GLOD4: variants seen among roughly 807,000 people sequenced by gnomAD.
The protein encoded by GLOD4 is glyoxalase domain containing 4, also known as glyoxalase domain-containing protein 4.
Under a neutral mutation model 39.1 loss-of-function variants are expected in GLOD4, and 44 were observed. The ratio of observed to expected loss-of-function variants is 1.13; its 90% CI spans 0.88 to 1.45. GLOD4 has a LOEUF of 1.45. Among genes scored for constraint, GLOD4 ranks in the 40% most tolerant of loss-of-function variants. The pLI is 0.00. For synonymous variants in GLOD4, 145 were observed against 135.0 expected (o/e 1.07, Z -0.52); for missense variants, 405 against 366.4 (o/e 1.11, Z -0.86).
intron 8 of GLOD4, among the ~76,000 whole-genome samples, chr17:769,315 G>C (rs1907461198): frequency 6.6e-6 from 1 of 150,750 alleles, no homozygotes; most frequent in Non-Finnish European, 1.5e-5. Flanking sequence ...TCCATGGCAA[G>C]AGCTGAGGGG....
At chr17:775,692 CA>C (rs560691640) in intron 4 of GLOD4, 82 bp downstream of exon 4, 112 of 1,164,500 alleles carry the variant, frequency 9.6e-5, no homozygotes, top group Middle Eastern at 2.6e-4. Context: ...ACAGACTCTA[CA>C]AAAAAAAGAC....
chr17:775,765 G>A lies in GLOD4; in HGVS notation c.406+10C>T. 1 of 1,610,910 alleles carries A rather than the reference G, an allele frequency of 6.2e-7. No individual in the cohort carries two copies. The highest frequency in any genetic ancestry group is 8.5e-7 in the Non-Finnish European group (1 of 1,177,202). On this transcript the variant is annotated intron_variant, in intron 4 of 8. Coordinates refer to ENST00000301329, the MANE Select transcript of GLOD4 (RefSeq NM_016080.4). ...TAGACAGAGGCTTTTACTGGTTCTGGTATAATTACCTGACTGAGGCAGACT... is the reference window on the plus strand; with the variant it reads ...TAGACAGAGGCTTTTACTGGTTCTGATATAATTACCTGACTGAGGCAGACT...
intron 8 of GLOD4, among the ~76,000 whole-genome samples, chr17:768,396 GA>G (rs1172264006): frequency 6.8e-6 from 1 of 146,260 alleles, no homozygotes; most frequent in Non-Finnish European, 1.5e-5. Context: ...ACGTAAGAGA[GA>G]GAAACAGCGC....
At chr17:763,231 G>A (rs1282498754) in intron 8 of GLOD4, among the ~76,000 whole-genome samples, 5 of 151,054 alleles carry the variant, frequency 3.3e-5, no homozygotes, top group Admixed American at 2.6e-4. Context: ...CTTAAGGTTG[G>A]ATGCGGTGGC....
chr17:783,965 G>A (rs1463707878), upstream of GLOD4, among the ~76,000 whole-genome samples: 1 of 152,160 alleles, frequency 6.6e-6, no homozygotes, highest in African/African-American at 2.4e-5. Context: ...CTGCCAATGT[G>A]GTGATAACTG....
chr17:772,761 T>C (rs1348533249), intron 4 of GLOD4, among the ~76,000 whole-genome samples: 1 of 152,050 alleles, frequency 6.6e-6, no homozygotes, highest in African/African-American at 2.4e-5. Context: ...TTTGGGAGGC[T>C]GAGGTGGCAG....
At chr17:765,596 G>A (rs544329354) in intron 8 of GLOD4, among the ~76,000 whole-genome samples, 8 of 149,946 alleles carry the variant, frequency 5.3e-5, no homozygotes, top group African/African-American at 2.0e-4. Context: ...TTGGGAGGCC[G>A]AGGAGGGTGG....
At position 770,487 on chromosome 17, in the gene GLOD4, G is replaced by A. The variant is rs756022412; in HGVS notation, c.564C>T (p.Gly188=). 12 of 1,572,174 alleles carry A rather than the reference G, an allele frequency of 7.6e-6. No homozygotes were observed. The highest frequency in any genetic ancestry group is 1.1e-5 in the South Asian group (1 of 90,302). The change falls in exon 6 of 9, where the codon GGC becomes GGT. Residue 188 remains glycine (G), a synonymous_variant. Transcript: ENST00000301329. ...ADNQCKLELQ[G]VKGGVDHAAA... is the part of the protein sequence containing the mutation. ...CTGCATGGTCCACCCCACCCTTGAC[G>A]CCCTGTAGCTCCAGCTTACACTGAA...
At chr17:775,604 A>G (rs1232982815) in intron 4 of GLOD4, among the ~76,000 whole-genome samples, 171 bp downstream of exon 4, 1 of 152,212 alleles carries the variant, frequency 6.6e-6, no homozygotes, top group Non-Finnish European at 1.5e-5. Flanking sequence ...ACTGCTATGT[A>G]TTTAAGTTCT....
intron 8 of GLOD4, among the ~76,000 whole-genome samples, chr17:761,383 G>A (rs1260206913): frequency 6.6e-6 from 1 of 151,944 alleles, no homozygotes; most frequent in South Asian, 2.1e-4. Context: ...ATGAAAATAA[G>A]AATTTAAAAA....
chr17:778,469 C>A, intron 2 of GLOD4: 1 of 596,894 alleles, frequency 1.7e-6, no homozygotes, highest in South Asian at 2.1e-5. Flanking sequence ...TCCCGACGCT[C>A]CTGAAGTTGC....
At chr17:782,143 C>G (rs1910081752) in intron 1 of GLOD4, 23 bp downstream of exon 1, 13 of 1,554,100 alleles carry the variant, frequency 8.4e-6, no homozygotes, top group Non-Finnish European at 1.1e-5. Context: ...CGCGCGCCAG[C>G]CCCTGTCGGC....
chr17:768,951 G>C (rs1200960248), intron 8 of GLOD4, among the ~76,000 whole-genome samples: 2 of 152,256 alleles, frequency 1.3e-5, no homozygotes, highest in Non-Finnish European at 2.9e-5. Flanking sequence ...ATGTGAGAGA[G>C]AGAAACAGTG....
chr17:775,861 A>G lies in GLOD4; in HGVS notation c.320T>C (p.Leu107Pro). The change falls in exon 4 of 9, where the codon CTG becomes CCG. Residue 107 changes from leucine to proline, a missense_variant. Physicochemically the swap from Leu to Pro is moderately conservative, Grantham distance 98. Transcript: ENST00000301329. ...AAAAACACCTTCTGCAACTTCCGTCAGTGGCCACTCCAGCTTCCTGGCGTT... is the reference window on the plus strand; with the variant it reads ...AAAAACACCTTCTGCAACTTCCGTCGGTGGCCACTCCAGCTTCCTGGCGTT... ...VSNARKLEWP[L>P]TEVAEGVFET... The G allele has an allele frequency of 6.2e-7, 1 of 1,613,462 alleles. No individual in the cohort carries two copies. The highest frequency in any genetic ancestry group is 8.5e-7 in the Non-Finnish European group (1 of 1,179,358).
At chr17:768,036 G>T (rs1376012605) in intron 8 of GLOD4, among the ~76,000 whole-genome samples, 3 of 147,614 alleles carry the variant, frequency 2.0e-5, no homozygotes, top group Non-Finnish European at 4.5e-5. Flanking sequence ...TTTAGAAGAA[G>T]AAATCTGGAG....
At chr17:782,510 C>T (rs763801619), upstream of GLOD4, 10 of 1,613,434 alleles carry the variant, frequency 6.2e-6, no homozygotes, top group Admixed American at 1.3e-4. Context: ...TGTTTCCTTC[C>T]GGAGAGGTGG....
At chr17:774,008 C>T (rs1717422757) in intron 4 of GLOD4, among the ~76,000 whole-genome samples, 1 of 152,144 alleles carries the variant, frequency 6.6e-6, no homozygotes. Flanking sequence ...ATGGGGCTCT[C>T]TATTATTTTA....
chr17:784,973 G>T (rs993063574), upstream of GLOD4, among the ~76,000 whole-genome samples: 7 of 152,130 alleles, frequency 4.6e-5, no homozygotes, highest in African/African-American at 1.7e-4. Context: ...ATCTTTGATT[G>T]TATCATGTTT....
At chr17:782,336 G>A, upstream of GLOD4, 2 of 1,611,990 alleles carry the variant, frequency 1.2e-6, no homozygotes, top group African/African-American at 1.3e-5. Context: ...GTCACTAGCC[G>A]CCGACGGCGC....
Sources: allele counts gnomAD v4.1 joint callset (sites outside exome capture counted in the v4.1 genomes callset), GRCh38; gene constraint gnomAD v4.1.1; transcripts MANE v1.5; gene names NCBI Gene and HGNC (gene_info 2026-07-23, HGNC 2026-07-21).